Variants in HPCAL1 observed in about 807,000 individuals in gnomAD.
The protein encoded by HPCAL1 is hippocalcin like 1, also known as hippocalcin-like protein 1.
Under a neutral mutation model 17.1 loss-of-function variants are expected in HPCAL1, and 8 were observed. The observed-to-expected ratio is 0.47, with a 90% CI of 0.27 to 0.84. HPCAL1 has a LOEUF of 0.84. Ranked by LOEUF, HPCAL1 falls within the 40% of genes least tolerant of loss-of-function variation. HPCAL1 has a pLI of 0.13. For synonymous variants in HPCAL1, 112 were observed against 111.4 expected (o/e 1.01, Z -0.03); for missense variants, 165 against 271.1 (o/e 0.61, Z 2.75).
intron 1 of HPCAL1, among the ~76,000 whole-genome samples, chr2:10,382,699 CTA>C (rs1668038451): frequency 6.6e-6 from 1 of 151,938 alleles, no homozygotes; most frequent in African/African-American, 2.4e-5. Flanking sequence ...CCAAACAGCT[CTA>C]TGAGGTTCTG....
chr2:10,370,668 C>A (rs1667148049), intron 1 of HPCAL1, among the ~76,000 whole-genome samples: 1 of 152,210 alleles, frequency 6.6e-6, no homozygotes, highest in Admixed American at 6.5e-5. Context: ...CTGGCATTGG[C>A]CTTTTGCAGG....
At chr2:10,388,580 G>T (rs1668479152) in intron 1 of HPCAL1, among the ~76,000 whole-genome samples, 1 of 152,204 alleles carries the variant, frequency 6.6e-6, no homozygotes, top group African/African-American at 2.4e-5. Flanking sequence ...GCTGCCCCCA[G>T]GTCCAGGGAC....
At chr2:10,357,389 G>A (rs982404243) in intron 1 of HPCAL1, among the ~76,000 whole-genome samples, 3 of 152,192 alleles carry the variant, frequency 2.0e-5, no homozygotes, top group Non-Finnish European at 2.9e-5. Flanking sequence ...CTCTTCATCT[G>A]AGGCCATGTC....
intron 2 of HPCAL1, among the ~76,000 whole-genome samples, chr2:10,412,845 A>G (rs911330249): frequency 5.3e-5 from 8 of 151,948 alleles, no homozygotes; most frequent in Non-Finnish European, 1.2e-4. Flanking sequence ...CTCCCTGCCC[A>G]CTTCCCACTG....
intron 2 of HPCAL1, among the ~76,000 whole-genome samples, chr2:10,410,106 A>G (rs1465601075): frequency 6.6e-6 from 1 of 152,030 alleles, no homozygotes; most frequent in Non-Finnish European, 1.5e-5. Flanking sequence ...GGTCTCTCAT[A>G]AGCATTTGGT....
In HPCAL1 at chr2:10,426,738, G is replaced by A; in HGVS notation, c.499G>A (p.Glu167Lys). ...DTNNDGKLSL[E>K]EFIRGAKSDP... is the part of the protein sequence containing the mutation. ...GTCCCCTGCAGGCAAACTGTCCTTG[G>A]AAGAATTCATCAGAGGTGCCAAGAG... Residue 167 changes from glutamate to lysine, a missense_variant, in exon 5 of 5, where the codon GAA becomes AAA. Transcript: ENST00000307845. 6.8e-6 allele frequency: 11 copies of A among 1,613,374 alleles called. No individual in the cohort carries two copies. The highest frequency in any genetic ancestry group is 9.3e-6 in the Non-Finnish European group (11 of 1,179,924).
intron 1 of HPCAL1, among the ~76,000 whole-genome samples, chr2:10,385,486 A>T (rs1015458828): frequency 4.0e-5 from 6 of 150,476 alleles, no homozygotes; most frequent in African/African-American, 1.2e-4. Context: ...GGGTGCAGAC[A>T]CTTGCTGCTT....
In HPCAL1 at chr2:10,395,707, T is replaced by C. The variant is rs1668979923; in HGVS notation, c.-110-1128T>C. On this transcript the variant is annotated intron_variant, in intron 1 of 4. Transcript: ENST00000307845. This position sits in a 1 kb window ranked among gnomAD's most constrained non-coding sequence, Gnocchi z 4.4. The stretch of plus-strand genomic sequence containing the variant: ...AAGAGAAACGGGCCGTCAGGTGAAG[T>C]GACTGTCAGGATTCCATCCTGGCTC... Among the ~76,000 whole-genome samples the C allele has an allele frequency of 6.6e-6, 1 of 152,160 alleles. No homozygotes were observed. The highest frequency in any genetic ancestry group is 1.5e-5 in the Non-Finnish European group (1 of 68,014).
chr2:10,308,588 C>T (rs1042617905), intron 1 of HPCAL1, among the ~76,000 whole-genome samples: 7 of 152,164 alleles, frequency 4.6e-5, no homozygotes, highest in South Asian at 2.1e-4. Flanking sequence ...CCAGCACCGA[C>T]GAAGTGAGCT....
Position 10,330,754 on chromosome 2 carries a change from A to G in HPCAL1, c.-111+27577A>G, listed in dbSNP as rs527715700. On this transcript the variant is annotated intron_variant, in intron 1 of 4. Coordinates refer to ENST00000307845, the MANE Select transcript of HPCAL1 (RefSeq NM_002149.4). The surrounding 1 kb of genome is among the most constrained non-coding windows in gnomAD (Gnocchi z 4.2). The stretch of plus-strand genomic sequence containing the variant: ...AGGTAGTAAGGATTGGGGCTTCCAC[A>G]TAGGGGTTTTGTGGGGGACACACTC... Among the ~76,000 whole-genome samples, 10 of 152,300 alleles carry G rather than the reference A, an allele frequency of 6.6e-5. No individual in the cohort carries two copies. In the East Asian group the frequency reaches 1.7e-3, roughly 27 times the overall value.
In HPCAL1 at chr2:10,419,617, G is replaced by A. The variant is rs534651597; in HGVS notation, c.-24-117G>A. The stretch of plus-strand genomic sequence containing the variant: ...GGCATGCCTTCCGATGGGGGACCCG[G>A]GAGTTGCTGAGTCGCAGCGCTTGCA... On this transcript the variant is annotated intron_variant, in intron 2 of 4. Coordinates refer to ENST00000307845, the MANE Select transcript of HPCAL1 (RefSeq NM_002149.4). The surrounding 1 kb of genome is among the most constrained non-coding windows in gnomAD (Gnocchi z 5.0). 4.3e-6 allele frequency: 4 copies of A among 937,052 alleles called. No homozygotes were observed. The highest frequency in any genetic ancestry group is 1.7e-5 in the African/African-American group (1 of 60,428). The allele number at this position is 937,052 out of a possible 1,614,324, so 58.0% of individuals were successfully genotyped here. A position where few individuals can be genotyped will look rare whatever the true frequency, so the allele number is the denominator to read the frequency against.
chr2:10,392,466 G>A (rs1307000176), intron 1 of HPCAL1, among the ~76,000 whole-genome samples: 2 of 152,172 alleles, frequency 1.3e-5, no homozygotes, highest in Non-Finnish European at 2.9e-5. Context: ...CTTTCAAATT[G>A]TCTCTTTCTT....
At chr2:10,303,794 C>T (rs1367521906) in intron 1 of HPCAL1, 1 of 152,278 alleles carries the variant, frequency 6.6e-6, no homozygotes, top group Non-Finnish European at 1.5e-5. Context: ...TCCCCGCGAC[C>T]CGCACTGCGA....
chr2:10,351,035 G>A (rs752116615), intron 1 of HPCAL1, among the ~76,000 whole-genome samples: 5 of 152,136 alleles, frequency 3.3e-5, no homozygotes, highest in Non-Finnish European at 7.3e-5. Flanking sequence ...TAAATCTAGA[G>A]TTACCATATG....
chr2:10,345,201 G>A (rs1350310500), intron 1 of HPCAL1, among the ~76,000 whole-genome samples: 2 of 151,752 alleles, frequency 1.3e-5, no homozygotes, highest in African/African-American at 2.4e-5. Context: ...CTGTCTGTCT[G>A]TCTCTTTCTT....
intron 1 of HPCAL1, among the ~76,000 whole-genome samples, chr2:10,312,570 CTCATCATCATCACCATCACTG>C (rs1181395689): frequency 2.1e-5 from 3 of 144,272 alleles, no homozygotes; most frequent in Admixed American, 2.1e-4. Flanking sequence ...CATCCCCATC[CTCATCATCATCACCATCACTG>C]TCATCATCAT....
intron 1 of HPCAL1, among the ~76,000 whole-genome samples, chr2:10,380,757 T>A (rs1382754699): frequency 6.6e-6 from 1 of 152,166 alleles, no homozygotes; most frequent in African/African-American, 2.4e-5. Flanking sequence ...CTGGAGGCCC[T>A]TCTGCGGACT....
intron 3 of HPCAL1, 127 bp from the exon 4 acceptor site, chr2:10,422,856 G>A (rs1671148532): frequency 3.1e-6 from 2 of 642,674 alleles, no homozygotes; most frequent in South Asian, 3.7e-5. Context: ...CTGGGGAAGG[G>A]TCCCGAAGGC....
chr2:10,331,064 C>T lies in HPCAL1; in HGVS notation c.-111+27887C>T, dbSNP rs12476711. Among the ~76,000 whole-genome samples, 27,384 of 152,172 alleles carry T rather than the reference C, an allele frequency of 0.18. 2,782 individuals are homozygous for T. The highest frequency in any genetic ancestry group is 0.23 in the Non-Finnish European group (15,404 of 67,980). On this transcript the variant is annotated intron_variant, in intron 1 of 4. Coordinates refer to ENST00000307845, the MANE Select transcript of HPCAL1 (RefSeq NM_002149.4). This position sits in a 1 kb window ranked among gnomAD's most constrained non-coding sequence, Gnocchi z 5.0. ...CCTCATCCCGCCTCTCGCTCCATCT[C>T]GTGGCCTCCCATCTGCTCTCCCGGC...
Sources: allele counts gnomAD v4.1 joint callset (sites outside exome capture counted in the v4.1 genomes callset), GRCh38; gene constraint gnomAD v4.1.1; non-coding constraint Gnocchi (gnomAD v3.1); transcripts MANE v1.5; gene names NCBI Gene and HGNC (gene_info 2026-07-23, HGNC 2026-07-21).